Variants in RSU1 observed in about 807,000 individuals in gnomAD.
RSU1 encodes Ras suppressor protein 1.
In RSU1, 26 loss-of-function variants were observed where a neutral mutation model predicts 31.1. The observed-to-expected ratio is 0.84, with a 90% CI of 0.61 to 1.16. The LOEUF (loss-of-function observed/expected upper bound fraction) is 1.16, where lower values mean the gene tolerates loss of function less well. Among genes scored for constraint, RSU1 ranks in the 50% most tolerant of loss-of-function variants. RSU1 has a pLI of 0.00. For missense variants in RSU1, 320 were observed against 339.1 expected, an observed-to-expected ratio of 0.94 and a Z score of 0.44; for synonymous variants, 164 against 136.3, an observed-to-expected ratio of 1.20 and a Z score of -1.41.
intron 2 of RSU1, among the ~76,000 whole-genome samples, chr10:16,791,694 G>A (rs920461897): frequency 6.6e-6 from 1 of 151,776 alleles, no homozygotes; most frequent in African/African-American, 2.4e-5. Flanking sequence ...GAATCATTAT[G>A]TCTAGATAAC....
intron 8 of RSU1, among the ~76,000 whole-genome samples, chr10:16,662,516 T>A (rs1834907243): frequency 6.6e-6 from 1 of 152,210 alleles, no homozygotes; most frequent in African/African-American, 2.4e-5. Flanking sequence ...CTTTTGCCTG[T>A]CCTTATAAAC....
At chr10:16,702,811 T>A (rs1835820463) in intron 7 of RSU1, among the ~76,000 whole-genome samples, 1 of 152,160 alleles carries the variant, frequency 6.6e-6, no homozygotes. Flanking sequence ...GAAGGCATGA[T>A]TATATTTTGC....
intron 7 of RSU1, among the ~76,000 whole-genome samples, chr10:16,711,776 C>G (rs942313667): frequency 6.6e-6 from 1 of 152,154 alleles, no homozygotes; most frequent in Admixed American, 6.5e-5. Context: ...TATCTCAAAT[C>G]TGTTAAGATT....
At chr10:16,617,650 T>C (rs1031176477) in intron 8 of RSU1, among the ~76,000 whole-genome samples, 1 of 152,086 alleles carries the variant, frequency 6.6e-6, no homozygotes, top group Non-Finnish European at 1.5e-5. Flanking sequence ...TATAGACCAA[T>C]AGAACAGAAC....
intron 3 of RSU1, among the ~76,000 whole-genome samples, chr10:16,771,359 A>G (rs1302790936): frequency 6.6e-6 from 1 of 152,232 alleles, no homozygotes; most frequent in Non-Finnish European, 1.5e-5. Flanking sequence ...AAATTAGCAG[A>G]AACTAGATGA....
intron 2 of RSU1, among the ~76,000 whole-genome samples, chr10:16,806,521 G>A (rs937594300): frequency 1.3e-5 from 2 of 152,142 alleles, no homozygotes; most frequent in African/African-American, 2.4e-5. Context: ...AATACATTGT[G>A]AGGTTTGAAA....
At chr10:16,601,805 T>C (rs1413295314) in intron 8 of RSU1, among the ~76,000 whole-genome samples, 1 of 152,004 alleles carries the variant, frequency 6.6e-6, no homozygotes. Context: ...CAGGGCAGAG[T>C]GCAGGAAAGA....
chr10:16,638,986 A>G (rs930768619), intron 8 of RSU1, among the ~76,000 whole-genome samples: 9 of 152,226 alleles, frequency 5.9e-5, no homozygotes, highest in Non-Finnish European at 5.9e-5. Context: ...TGCAGTGTAA[A>G]ATGATCTCAT....
At chr10:16,743,145 T>C (rs75082375) in intron 7 of RSU1, among the ~76,000 whole-genome samples, 7,403 of 152,270 alleles carry the variant, frequency 0.049, 570 homozygotes, top group African/African-American at 0.16. Context: ...GGTACAAATA[T>C]TCTATTCCCA....
At chr10:16,688,591 A>G (rs775970162) in intron 8 of RSU1, among the ~76,000 whole-genome samples, 81 of 152,258 alleles carry the variant, frequency 5.3e-4, no homozygotes, top group Non-Finnish European at 8.5e-4. Context: ...CTTCGGCGAC[A>G]GAGCGAGACT....
chr10:16,608,054 C>T (rs1564284373), intron 8 of RSU1, among the ~76,000 whole-genome samples: 2 of 152,128 alleles, frequency 1.3e-5, no homozygotes, highest in Admixed American at 6.5e-5. Context: ...TAGTCTTGAA[C>T]TCTTGGACTC....
At chr10:16,717,558 G>C (rs1836168298) in intron 7 of RSU1, among the ~76,000 whole-genome samples, 1 of 152,134 alleles carries the variant, frequency 6.6e-6, no homozygotes, top group Non-Finnish European at 1.5e-5. Flanking sequence ...ATATAACCAT[G>C]TATGTAAACA....
chr10:16,704,939 T>G (rs969220002), intron 7 of RSU1, among the ~76,000 whole-genome samples: 2 of 152,224 alleles, frequency 1.3e-5, no homozygotes, highest in Admixed American at 1.3e-4. Flanking sequence ...ATTTGTAATT[T>G]TGTGCAAACA....
At chr10:16,643,901 T>TA (rs1564297160) in intron 8 of RSU1, among the ~76,000 whole-genome samples, 8 of 151,384 alleles carry the variant, frequency 5.3e-5, no homozygotes, top group East Asian at 4.0e-4. Flanking sequence ...ATTTTTTTTT[T>TA]TAAAAAAACT....
rs201464244 is a variant in RSU1, at chr10:16,623,227, A to AT, written c.732-29732dup. On this transcript the variant is annotated intron_variant, in intron 8 of 8. Coordinates refer to ENST00000345264, the MANE Select transcript of RSU1 (RefSeq NM_012425.4). ...GTAGCCCTCAGTTTCTATGGTTGCC[A>AT]TTTTTTTGTCCATGAAGACCAATGT... Among the ~76,000 whole-genome samples, 1,060 of 152,126 alleles carry AT rather than the reference A, an allele frequency of 7.0e-3. 11 individuals carry two copies. The highest frequency in any genetic ancestry group is 0.023 in the African/African-American group (954 of 41,500).
chr10:16,625,919 C>G (rs1353200331), intron 8 of RSU1, among the ~76,000 whole-genome samples: 1 of 152,168 alleles, frequency 6.6e-6, no homozygotes, highest in Non-Finnish European at 1.5e-5. Context: ...AGGGATTACT[C>G]ACAACTAACT....
At chr10:16,799,865 G>A (rs907833059) in intron 2 of RSU1, among the ~76,000 whole-genome samples, 2 of 152,180 alleles carry the variant, frequency 1.3e-5, no homozygotes, top group East Asian at 1.9e-4. Context: ...GGGAAGTTGA[G>A]AAACAGCTGT....
intron 3 of RSU1, among the ~76,000 whole-genome samples, chr10:16,765,524 T>G (rs906870255): frequency 6.6e-6 from 1 of 152,184 alleles, no homozygotes; most frequent in Non-Finnish European, 1.5e-5. Flanking sequence ...AATATATACA[T>G]TTGAAAATAC....
At position 16,604,544 on chromosome 10, in the gene RSU1, C is replaced by A. The variant is rs142847093; in HGVS notation, c.732-11048G>T. The stretch of plus-strand genomic sequence containing the variant: ...CCAGCTCCCCTCCTATACCTTCTGC[C>A]GCGACCCTCCATGCCCCTGATCCCA... On this transcript the variant is annotated intron_variant, in intron 8 of 8. Coordinates refer to ENST00000345264, the MANE Select transcript of RSU1 (RefSeq NM_012425.4). 3.4e-4 allele frequency among the ~76,000 whole-genome samples: 52 copies of A among 152,230 alleles called. No homozygotes were observed. In the East Asian group the frequency reaches 5.6e-3, roughly 16 times the overall value.
Sources: gnomAD v4.1 joint callset for allele counts (sites outside exome capture counted in the v4.1 genomes callset) on GRCh38, gnomAD v4.1.1 for gene constraint, MANE v1.5 for transcripts, NCBI Gene and HGNC (gene_info 2026-07-23, HGNC 2026-07-21) for gene names.